Variants in RRM2 observed in about 807,000 individuals in gnomAD.
RRM2 encodes ribonucleoside-diphosphate reductase subunit M2.
RRM2 carries 6 observed loss-of-function variants against 45.9 expected under a neutral mutation model. The ratio of observed to expected loss-of-function variants is 0.13; its 90% CI spans 0.07 to 0.26. The LOEUF is 0.26. Ranked by LOEUF, RRM2 falls within the 10% of genes least tolerant of loss-of-function variation. RRM2 has a pLI of 1.00. For synonymous variants in RRM2, 177 were observed against 173.0 expected (o/e 1.02, Z -0.18); for missense variants, 343 against 489.5 (o/e 0.70, Z 2.82).
In RRM2 at chr2:10,126,959, G is replaced by A. The variant is rs1662792483; in HGVS notation, c.654G>A (p.Glu218=). Residue 218 remains glutamate (E), a synonymous_variant, in exon 6 of 10, where the codon GAG becomes GAA. Coordinates refer to ENST00000304567, the MANE Select transcript of RRM2 (RefSeq NM_001034.4). The part of the protein sequence containing the change: ...DWALRWIGDK[E]ATYGERVVAF... The stretch of plus-strand genomic sequence containing the variant: ...CCTTGCGCTGGATTGGGGACAAAGA[G>A]GCTACCTATGGTAAGGAGACCCTTG... 6.2e-7 allele frequency: 1 copy of A among 1,613,916 alleles called. No homozygotes were observed. The highest frequency in any genetic ancestry group is 8.5e-7 in the Non-Finnish European group (1 of 1,179,944).
In RRM2 at chr2:10,131,162, A is replaced by C. The variant is rs1662893415; in HGVS notation, c.*1776A>C. 1 of 152,214 alleles carries C rather than the reference A, an allele frequency of 6.6e-6. No individual in the cohort carries two copies. The highest frequency in any genetic ancestry group is 2.4e-5 in the African/African-American group (1 of 41,450). The allele number at this position is 152,214 out of a possible 1,614,324, so 9.4% of individuals were successfully genotyped here. On this transcript the variant is annotated 3_prime_UTR_variant, in exon 10 of 10. Transcript: ENST00000304567. ...TATCTTTTAAGTTATTGTTACCTAA[A>C]GTTAATCCAGATTATATGGTCCTTA...
Position 10,175,445 on chromosome 2 carries a change from A to G in RRM2, n.482+33070A>G, listed in dbSNP as rs1470143228. Among the ~76,000 whole-genome samples, 45 of 152,170 alleles carry G rather than the reference A, an allele frequency of 3.0e-4. 1 individual carries two copies. Among genetic ancestry groups the G allele is most frequent in the Admixed American group, 2.9e-3 (45 of 15,282 alleles). ...TTCAACGTTATTAAATACATTCATA[A>G]TGTTGTATAACCATCACTGCCATCC... On this transcript the variant is annotated intron_variant and non_coding_transcript_variant, in intron 3 of 3. Coordinates refer to the RRM2 transcript ENST00000381786.
intron 4 of RRM2, chr2:10,124,092 A>C (rs943295335): frequency 6.4e-6 from 3 of 465,156 alleles, no homozygotes; most frequent in Non-Finnish European, 7.6e-6. Flanking sequence ...CTTTGTGGCC[A>C]CCACATCTGC....
intron 3 of RRM2, among the ~76,000 whole-genome samples, chr2:10,184,524 C>T (rs935675918): frequency 2.0e-5 from 3 of 152,240 alleles, no homozygotes; most frequent in African/African-American, 7.2e-5. Context: ...TGGTCCAAAC[C>T]GTCCCTTCCA....
At chr2:10,201,442 C>T (rs1049920690) in intron 3 of RRM2, among the ~76,000 whole-genome samples, 3 of 152,180 alleles carry the variant, frequency 2.0e-5, no homozygotes, top group Admixed American at 1.3e-4. Flanking sequence ...GTTCAGTTCA[C>T]GCAGTCAGTT....
At chr2:10,163,720 C>T (rs1663618868) in intron 3 of RRM2, among the ~76,000 whole-genome samples, 1 of 152,228 alleles carries the variant, frequency 6.6e-6, no homozygotes, top group Non-Finnish European at 1.5e-5. Context: ...CGCTCTGTCC[C>T]TGCCCTAGTG....
At chr2:10,147,798 C>T (rs937083325) in intron 3 of RRM2, among the ~76,000 whole-genome samples, 3 of 152,124 alleles carry the variant, frequency 2.0e-5, no homozygotes, top group Admixed American at 1.3e-4. Context: ...ACTTATACCT[C>T]TATGCTATCT....
chr2:10,204,986 C>G lies in RRM2; in HGVS notation n.483-5325C>G, dbSNP rs908707102. On this transcript the variant is annotated intron_variant and non_coding_transcript_variant, in intron 3 of 3. Coordinates refer to the RRM2 transcript ENST00000381786. The surrounding 1 kb of genome is among the most constrained non-coding windows in gnomAD (Gnocchi z 4.0). ...GAGCACGGCTCTAACACAGCCGAGG[C>G]ATAGTGTGAGCAAAGTCAGACGCAG... Among the ~76,000 whole-genome samples, 17 of 152,368 alleles carry G rather than the reference C, an allele frequency of 1.1e-4. No homozygotes were observed. Among genetic ancestry groups the G allele is most frequent in the Middle Eastern group, 3.4e-3 (1 of 294 alleles).
intron 3 of RRM2, among the ~76,000 whole-genome samples, chr2:10,202,169 T>C (rs1664580323): frequency 1.3e-5 from 2 of 152,186 alleles, no homozygotes; most frequent in Non-Finnish European, 2.9e-5. Context: ...AAATCAGCCT[T>C]TCACAACTAG....
At chr2:10,133,083 G>A (rs966152898), downstream of RRM2, among the ~76,000 whole-genome samples, 3 of 152,212 alleles carry the variant, frequency 2.0e-5, no homozygotes, top group Admixed American at 2.0e-4. Context: ...TTGAGATCGG[G>A]TGGGATAGAC....
At chr2:10,166,674 CT>C (rs1663689608) in intron 3 of RRM2, among the ~76,000 whole-genome samples, 1 of 152,242 alleles carries the variant, frequency 6.6e-6, no homozygotes, top group South Asian at 2.1e-4. Context: ...AAGGCTCAGC[CT>C]GTTGCCTGCA....
chr2:10,122,671 A>C (rs1209991209), upstream of RRM2: 1 of 1,549,944 alleles, frequency 6.5e-7, no homozygotes, highest in East Asian at 2.4e-5. Context: ...GGGGCACCAA[A>C]GCCAATGGGA....
At chr2:10,158,059 C>T (rs1663471268) in intron 3 of RRM2, among the ~76,000 whole-genome samples, 1 of 152,178 alleles carries the variant, frequency 6.6e-6, no homozygotes, top group Admixed American at 6.5e-5. Flanking sequence ...TCACCTGTGT[C>T]AAACACCTCT....
At chr2:10,135,885 T>G (rs1662981567), downstream of RRM2, among the ~76,000 whole-genome samples, 1 of 152,106 alleles carries the variant, frequency 6.6e-6, no homozygotes, top group Non-Finnish European at 1.5e-5. Context: ...CCCCAGGGAC[T>G]GATGAGTCCT....
At chr2:10,123,635 A>G in intron 3 of RRM2, 101 bp from the exon 4 acceptor site, 1 of 1,460,022 alleles carries the variant, frequency 6.8e-7, no homozygotes, top group Non-Finnish European at 9.4e-7. Flanking sequence ...TGTGGGGCAT[A>G]GTAAGTGGTG....
chr2:10,167,311 T>C (rs1663703430), intron 3 of RRM2, among the ~76,000 whole-genome samples: 1 of 152,138 alleles, frequency 6.6e-6, no homozygotes, highest in Non-Finnish European at 1.5e-5. Flanking sequence ...CAAAAGGCCC[T>C]CTTGATGGAA....
At chr2:10,167,471 G>A (rs954962823) in intron 3 of RRM2, among the ~76,000 whole-genome samples, 2 of 152,120 alleles carry the variant, frequency 1.3e-5, no homozygotes, top group Non-Finnish European at 2.9e-5. Context: ...GTGCCTGTGC[G>A]TAGGATGTGG....
rs371152313 is a variant in RRM2, at chr2:10,195,139, T to A, written n.483-15172T>A. 1.4e-3 allele frequency among the ~76,000 whole-genome samples: 209 copies of A among 152,184 alleles called. No homozygotes were observed. Among genetic ancestry groups the A allele is most frequent in the African/African-American group, 4.6e-3 (192 of 41,518 alleles). On this transcript the variant is annotated intron_variant and non_coding_transcript_variant, in intron 3 of 3. Transcript: ENST00000381786. This position sits in a 1 kb window ranked among gnomAD's most constrained non-coding sequence, Gnocchi z 4.9. ...AGGGTGGTGAGGGCCACAGGTGTGGTCTGAGCTCCTGGGGAGCTACCGAGG... is the reference window on the plus strand; with the variant it reads ...AGGGTGGTGAGGGCCACAGGTGTGGACTGAGCTCCTGGGGAGCTACCGAGG...
chr2:10,152,219 A>G (rs2125315579), intron 3 of RRM2, among the ~76,000 whole-genome samples: 1 of 152,186 alleles, frequency 6.6e-6, no homozygotes, highest in African/African-American at 2.4e-5. Context: ...AAGTGCTGGG[A>G]TTGCAGGTGT....
Sources: allele counts gnomAD v4.1 joint callset (sites outside exome capture counted in the v4.1 genomes callset), GRCh38; gene constraint gnomAD v4.1.1; non-coding constraint Gnocchi (gnomAD v3.1); transcripts MANE v1.5; gene names NCBI Gene and HGNC (gene_info 2026-07-23, HGNC 2026-07-21).